Variants in TBCA observed in about 807,000 individuals in gnomAD.
TBCA encodes tubulin-specific chaperone A.
Under a neutral mutation model 15.8 loss-of-function variants are expected in TBCA, and 6 were observed. That is an observed-to-expected ratio of 0.38 (90% CI 0.21 to 0.75). The LOEUF (loss-of-function observed/expected upper bound fraction) is 0.75, where lower values mean the gene tolerates loss of function less well. Among genes scored for constraint, TBCA ranks in the 30% least tolerant of loss-of-function variants. The probability of loss-of-function intolerance (pLI) is 0.46; values close to 1 mark genes in which losing one functional copy is unlikely to be tolerated. For synonymous variants in TBCA, 32 were observed against 42.3 expected (o/e 0.76, Z 0.94); for missense variants, 90 against 131.2 (o/e 0.69, Z 1.53).
intron 1 of TBCA, among the ~76,000 whole-genome samples, chr5:77,763,619 A>T (rs2112510891): frequency 6.6e-6 from 1 of 152,260 alleles, no homozygotes; most frequent in Non-Finnish European, 1.5e-5. Context: ...TGTAAAAGAG[A>T]CCTCAGAGAG....
chr5:77,764,998 T>G (rs2112512551), intron 1 of TBCA, among the ~76,000 whole-genome samples: 1 of 152,206 alleles, frequency 6.6e-6, no homozygotes, highest in African/African-American at 2.4e-5. Flanking sequence ...ATTTTAAATA[T>G]ATTTGTTAAT....
intron 1 of TBCA, among the ~76,000 whole-genome samples, chr5:77,743,555 A>G (rs1202948079): frequency 1.3e-5 from 2 of 152,220 alleles, no homozygotes; most frequent in African/African-American, 2.4e-5. Flanking sequence ...AGCACTGGGA[A>G]TCCTAAGGCT....
At chr5:77,705,655 C>A (rs1746133803) in intron 2 of TBCA, 1 of 398,202 alleles carries the variant, frequency 2.5e-6, no homozygotes, top group South Asian at 1.3e-4. Context: ...AAGTAAGACC[C>A]TGTCTCTATA....
At chr5:77,758,974 C>T (rs1037541519) in intron 1 of TBCA, among the ~76,000 whole-genome samples, 6 of 152,214 alleles carry the variant, frequency 3.9e-5, no homozygotes, top group Admixed American at 2.6e-4. Context: ...CTGCTTCTCC[C>T]TGGCACCAAC....
chr5:77,739,963 G>A (rs1046946141), intron 1 of TBCA, among the ~76,000 whole-genome samples: 6 of 152,120 alleles, frequency 3.9e-5, no homozygotes, highest in South Asian at 2.1e-4. Flanking sequence ...GGCTAGGGGA[G>A]GGCTATTAAG....
In TBCA at chr5:77,727,239, G is replaced by GAAA. The variant is rs35477479; in HGVS notation, c.54-18895_54-18893dup. On this transcript the variant is annotated intron_variant, in intron 1 of 3. Coordinates refer to ENST00000380377, the MANE Select transcript of TBCA (RefSeq NM_004607.3). Reference sequence around the variant, plus strand: ...GAGACACAGTGAGACTCTGTCTCAGGAAAAAAAAAAAAAAAAAAAAAAGAA... The same window carrying GAAA: ...GAGACACAGTGAGACTCTGTCTCAGGAAAAAAAAAAAAAAAAAAAAAAAAAGAA... Among the ~76,000 whole-genome samples, 710 of 80,650 alleles carry GAAA rather than the reference G, an allele frequency of 8.8e-3. 8 individuals carry two copies. Among genetic ancestry groups the GAAA allele is most frequent in the Non-Finnish European group, 0.013 (575 of 43,028 alleles). The allele number at this position is 80,650 out of a possible 152,430, so 52.9% of individuals were successfully genotyped here.
intron 1 of TBCA, among the ~76,000 whole-genome samples, chr5:77,753,533 A>T (rs1747404118): frequency 6.6e-6 from 1 of 152,246 alleles, no homozygotes; most frequent in Non-Finnish European, 1.5e-5. Context: ...TTCATAAAAG[A>T]GAGAAGGAGG....
intron 1 of TBCA, among the ~76,000 whole-genome samples, chr5:77,729,504 G>A (rs1746712926): frequency 6.6e-6 from 1 of 152,154 alleles, no homozygotes; most frequent in African/African-American, 2.4e-5. Context: ...GTAGATTTTG[G>A]TCTTTCCTAG....
rs70991305 is a variant in TBCA, at chr5:77,744,531, C to CTTTTTTT, written c.53+31667_53+31673dup. Among the ~76,000 whole-genome samples, 229 of 82,956 alleles carry CTTTTTTT rather than the reference C, an allele frequency of 2.8e-3. 4 individuals carry two copies. The highest frequency in any genetic ancestry group is 4.2e-3 in the South Asian group (8 of 1,896). The allele number at this position is 82,956 out of a possible 152,430, so 54.4% of individuals were successfully genotyped here. A position where few individuals can be genotyped will look rare whatever the true frequency, so the allele number is the denominator to read the frequency against. The stretch of plus-strand genomic sequence containing the variant: ...CCAGAAAACAGAATGTCTTATTCAC[C>CTTTTTTT]TTTTTTTTTTTTTTTTTTTTTTTGA... On this transcript the variant is annotated intron_variant, in intron 1 of 3. Transcript: ENST00000380377.
chr5:77,724,119 T>C (rs754752764), intron 1 of TBCA, among the ~76,000 whole-genome samples: 5 of 152,064 alleles, frequency 3.3e-5, no homozygotes, highest in South Asian at 2.1e-4. Context: ...ATGTAAACAA[T>C]GTATGAGGCA....
At chr5:77,701,945 G>A (rs969276812) in intron 2 of TBCA, among the ~76,000 whole-genome samples, 2 of 151,638 alleles carry the variant, frequency 1.3e-5, no homozygotes, top group Non-Finnish European at 2.9e-5. Context: ...GAATGGAAAA[G>A]GAAACATCAT....
intron 1 of TBCA, among the ~76,000 whole-genome samples, chr5:77,717,938 T>C (rs1746439646): frequency 6.6e-6 from 1 of 151,262 alleles, no homozygotes; most frequent in African/African-American, 2.4e-5. Flanking sequence ...CAGACCAACC[T>C]GAACAACATG....
chr5:77,770,608 T>C (rs1193987614), intron 1 of TBCA, among the ~76,000 whole-genome samples: 4 of 152,108 alleles, frequency 2.6e-5, no homozygotes, highest in African/African-American at 9.6e-5. Context: ...TCAACAGTTC[T>C]GTGCTGGGGG....
In TBCA at chr5:77,696,408, TAAG is replaced by T. The variant is rs549575799; in HGVS notation, c.160-3059_160-3057del. On this transcript the variant is annotated intron_variant, in intron 2 of 3. Transcript: ENST00000380377. ...GGTTATTGCTAAATGAGTAAGATTG[TAAG>T]AAGAATCTTAAGTCAAAGAAAAAAA... Among the ~76,000 whole-genome samples, 11 of 152,262 alleles carry T rather than the reference TAAG, an allele frequency of 7.2e-5. No homozygotes were observed. In the East Asian group the frequency reaches 1.9e-3, roughly 27 times the overall value.
chr5:77,695,686 G>A (rs1580088289), intron 2 of TBCA, among the ~76,000 whole-genome samples: 1 of 152,150 alleles, frequency 6.6e-6, no homozygotes, highest in Admixed American at 6.5e-5. Context: ...CTTTCAAAGT[G>A]TTTCCCTTGG....
chr5:77,769,841 A>C (rs1408517083), intron 1 of TBCA, among the ~76,000 whole-genome samples: 4 of 152,194 alleles, frequency 2.6e-5, no homozygotes, highest in Non-Finnish European at 4.4e-5. Context: ...GTCTCATTCT[A>C]ATCTACTGGT....
intron 1 of TBCA, among the ~76,000 whole-genome samples, chr5:77,744,309 C>T (rs1208299484): frequency 6.6e-6 from 1 of 152,056 alleles, no homozygotes; most frequent in Non-Finnish European, 1.5e-5. Flanking sequence ...GAGGGTTCTA[C>T]TACCATCTAG....
chr5:77,770,728 TAAAAAAAAAAGA>T (rs1747885728), intron 1 of TBCA, among the ~76,000 whole-genome samples: 1 of 132,480 alleles, frequency 7.5e-6, no homozygotes, highest in Non-Finnish European at 1.6e-5. Flanking sequence ...ATCCAAATCT[TAAAAAAAAAAGA>T]AAAAAAACAA....
chr5:77,723,776 G>A (rs573768603), intron 1 of TBCA, among the ~76,000 whole-genome samples: 1 of 152,100 alleles, frequency 6.6e-6, no homozygotes, highest in South Asian at 2.1e-4. Context: ...AATAGATACT[G>A]CGTATCTTAA....
Sources: gnomAD v4.1 joint callset for allele counts (sites outside exome capture counted in the v4.1 genomes callset) on GRCh38, gnomAD v4.1.1 for gene constraint, MANE v1.5 for transcripts, NCBI Gene and HGNC (gene_info 2026-07-23, HGNC 2026-07-21) for gene names.